DLGAP2: variants seen among roughly 807,000 people sequenced by gnomAD.
The protein encoded by DLGAP2 is disks large-associated protein 2.
A neutral mutation model predicts 100.3 loss-of-function variants in DLGAP2; 26 were observed. The observed-to-expected ratio is 0.26, with a 90% CI of 0.19 to 0.36. The LOEUF (loss-of-function observed/expected upper bound fraction) is 0.36. Ranked by LOEUF, DLGAP2 falls within the 10% of genes least tolerant of loss-of-function variation. DLGAP2 has a pLI of 1.00. For synonymous variants in DLGAP2, 886 were observed against 630.1 expected, an observed-to-expected ratio of 1.41 and a Z score of -6.08; for missense variants, 1,858 against 1,453.2, an observed-to-expected ratio of 1.28 and a Z score of -4.53.
chr8:1,319,331 A>G (rs1380181628), intron 3 of DLGAP2, among the ~76,000 whole-genome samples: 2 of 152,124 alleles, frequency 1.3e-5, no homozygotes, highest in African/African-American at 4.8e-5. Context: ...ACCTTCTCTG[A>G]CTCAAATCCC....
intron 3 of DLGAP2, among the ~76,000 whole-genome samples, chr8:1,307,613 C>T (rs989164939): frequency 2.6e-5 from 4 of 152,148 alleles, no homozygotes; most frequent in African/African-American, 9.7e-5. Context: ...AAGCAGCCCA[C>T]GTGTGCAATA....
At chr8:781,515 A>C (rs1821686711) in intron 1 of DLGAP2, among the ~76,000 whole-genome samples, 1 of 152,188 alleles carries the variant, frequency 6.6e-6, no homozygotes, top group Admixed American at 6.5e-5. Context: ...TAACTGCTGT[A>C]ATTAACTTTT....
intron 2 of DLGAP2, among the ~76,000 whole-genome samples, chr8:1,108,079 C>A (rs1197914800): frequency 1.3e-5 from 2 of 152,112 alleles, no homozygotes; most frequent in Non-Finnish European, 2.9e-5. Context: ...AAAAAATGGT[C>A]CTAATTTCAG....
At chr8:1,361,171 G>A (rs112784790) in intron 3 of DLGAP2, among the ~76,000 whole-genome samples, 1 of 152,158 alleles carries the variant, frequency 6.6e-6, no homozygotes, top group African/African-American at 2.4e-5. Context: ...ATTTGCAACA[G>A]TGTCTGCAGG....
At chr8:979,412 T>C (rs2129014036) in intron 2 of DLGAP2, among the ~76,000 whole-genome samples, 1 of 152,352 alleles carries the variant, frequency 6.6e-6, no homozygotes, top group Non-Finnish European at 1.5e-5. Context: ...TTTATCCTTT[T>C]TCTAAAAATG....
chr8:1,364,368 C>T (rs929061422), intron 3 of DLGAP2, among the ~76,000 whole-genome samples: 5 of 152,230 alleles, frequency 3.3e-5, no homozygotes, highest in South Asian at 2.1e-4. Context: ...CAAGGGCTGC[C>T]ACGTGCGGAA....
intron 3 of DLGAP2, among the ~76,000 whole-genome samples, chr8:1,461,187 G>T (rs1442405750): frequency 6.8e-6 from 1 of 146,046 alleles, no homozygotes; most frequent in Non-Finnish European, 1.5e-5. Context: ...TGCTGTCACA[G>T]GACTGGGTGC....
chr8:1,333,500 A>G (rs1160768536), intron 3 of DLGAP2, among the ~76,000 whole-genome samples: 1 of 152,048 alleles, frequency 6.6e-6, no homozygotes, highest in East Asian at 1.9e-4. Context: ...GCTCTTCCAC[A>G]GACAGGGGTT....
At position 905,587 on chromosome 8, in the gene DLGAP2, G is replaced by A. The variant is rs554766225; in HGVS notation, c.19-2325G>A. ...GAGGTTTGCAGTTCTGTGGAGTGAG[G>A]GCCCTGCCTGTCCCTGACCCTAAAG... On this transcript the variant is annotated intron_variant, in intron 1 of 14. Transcript: ENST00000637795. 1.9e-3 allele frequency among the ~76,000 whole-genome samples: 282 copies of A among 152,258 alleles called. 2 individuals are homozygous for A. Among genetic ancestry groups the A allele is most frequent in the African/African-American group, 6.4e-3 (265 of 41,556 alleles).
intron 2 of DLGAP2, among the ~76,000 whole-genome samples, chr8:1,144,864 G>C (rs1381279556): frequency 6.6e-6 from 1 of 150,492 alleles, no homozygotes; most frequent in Non-Finnish European, 1.5e-5. Flanking sequence ...CGGCCTGTAT[G>C]AACAGTCAAA....
chr8:949,340 C>G (rs1799416426), intron 2 of DLGAP2, among the ~76,000 whole-genome samples: 1 of 152,164 alleles, frequency 6.6e-6, no homozygotes. Context: ...GGGTTCGTGG[C>G]AGACACCACG....
At chr8:1,219,184 T>C (rs1220078580) in intron 2 of DLGAP2, among the ~76,000 whole-genome samples, 1 of 152,128 alleles carries the variant, frequency 6.6e-6, no homozygotes, top group Non-Finnish European at 1.5e-5. Context: ...TGAGAGGGCA[T>C]TCTTGTTTTG....
At chr8:1,282,502 A>G (rs1799837852) in intron 3 of DLGAP2, among the ~76,000 whole-genome samples, 1 of 128,406 alleles carries the variant, frequency 7.8e-6, no homozygotes, top group African/African-American at 2.9e-5. Flanking sequence ...CACGTGAACC[A>G]TCCAGACGTG....
chr8:1,201,619 A>G (rs1272054266), intron 2 of DLGAP2, among the ~76,000 whole-genome samples: 1 of 152,154 alleles, frequency 6.6e-6, no homozygotes, highest in Non-Finnish European at 1.5e-5. Flanking sequence ...GGTGCAGCTC[A>G]CACAGGGATT....
At chr8:1,451,354 C>G (rs1345107795) in intron 3 of DLGAP2, among the ~76,000 whole-genome samples, 3 of 152,162 alleles carry the variant, frequency 2.0e-5, no homozygotes, top group African/African-American at 4.8e-5. Context: ...GTCCAAGTGC[C>G]TCCAGGTTGC....
chr8:1,213,180 A>G (rs995210701), intron 2 of DLGAP2, among the ~76,000 whole-genome samples: 1 of 152,060 alleles, frequency 6.6e-6, no homozygotes, highest in Non-Finnish European at 1.5e-5. Context: ...GCGGGATGTT[A>G]TTAGCTGTTT....
At chr8:901,048 T>C (rs1284157002) in intron 1 of DLGAP2, among the ~76,000 whole-genome samples, 5 of 152,178 alleles carry the variant, frequency 3.3e-5, no homozygotes, top group African/African-American at 9.7e-5. Context: ...CCCAGCACTT[T>C]AGGAGGCTGA....
rs1449213379 is a variant in DLGAP2 at position 824,498 on chromosome 8, C to G, written c.19-83414C>G. 3.9e-5 allele frequency among the ~76,000 whole-genome samples: 6 copies of G among 152,330 alleles called. No homozygotes were observed. The East Asian group carries it at 1.2e-3, about 29-fold the overall frequency. Reference sequence around the variant, plus strand: ...TTCCTATATAAATATCTGCATGACACAGCAGTGTTACGGGCAGCTTTTATG... The same window carrying G: ...TTCCTATATAAATATCTGCATGACAGAGCAGTGTTACGGGCAGCTTTTATG... On this transcript the variant is annotated intron_variant, in intron 1 of 14. Coordinates refer to ENST00000637795, the MANE Select transcript of DLGAP2 (RefSeq NM_001346810.2).
chr8:1,579,742 G>A (rs1416649181), intron 6 of DLGAP2, among the ~76,000 whole-genome samples: 1 of 152,180 alleles, frequency 6.6e-6, no homozygotes, highest in Non-Finnish European at 1.5e-5. Context: ...TGAGAAGCAT[G>A]CAAAGACGTA....
Sources: allele counts gnomAD v4.1 joint callset (sites outside exome capture counted in the v4.1 genomes callset), GRCh38; gene constraint gnomAD v4.1.1; transcripts MANE v1.5; gene names NCBI Gene and HGNC (gene_info 2026-07-23, HGNC 2026-07-21).